Variants in NT5DC1 observed in about 807,000 individuals in gnomAD.
The protein encoded by NT5DC1 is 5'-nucleotidase domain-containing protein 1.
A neutral mutation model predicts 59.4 loss-of-function variants in NT5DC1; 42 were observed. The ratio of observed to expected loss-of-function variants is 0.71; its 90% CI spans 0.55 to 0.92. The LOEUF is 0.92. Ranked by LOEUF, NT5DC1 falls within the 40% of genes least tolerant of loss-of-function variation. The probability of loss-of-function intolerance (pLI) is 0.00; values close to 1 mark genes in which losing one functional copy is unlikely to be tolerated. For synonymous variants in NT5DC1, 172 were observed against 188.1 expected, an observed-to-expected ratio of 0.91 and a Z score of 0.70; for missense variants, 501 against 537.1, an observed-to-expected ratio of 0.93 and a Z score of 0.66.
At position 116,248,756 on chromosome 6, in the gene NT5DC1, A is replaced by C. The variant is rs1281667899; in HGVS notation, c.*4732A>C. 1 of 152,292 alleles carries C rather than the reference A, an allele frequency of 6.6e-6. No individual in the cohort carries two copies. The highest frequency in any genetic ancestry group is 1.5e-5 in the Non-Finnish European group (1 of 68,070). The allele number at this position is 152,292 out of a possible 1,614,324, so 9.4% of individuals were successfully genotyped here. On this transcript the variant is annotated 3_prime_UTR_variant, in exon 12 of 12. Coordinates refer to ENST00000319550, the MANE Select transcript of NT5DC1 (RefSeq NM_152729.3). ...CTTCTTAACTGGTTTGGAGGTCCAC[A>C]TAAAGAATAATTGGGGTCTAGAATT...
chr6:116,205,607 A>T (rs925525514), intron 6 of NT5DC1, among the ~76,000 whole-genome samples: 2 of 148,936 alleles, frequency 1.3e-5, no homozygotes, highest in South Asian at 4.2e-4. Context: ...ATTGGGGGGG[A>T]AAAAAGGCTG....
chr6:116,131,907 T>C (rs1261283752), intron 6 of NT5DC1, among the ~76,000 whole-genome samples: 3 of 152,296 alleles, frequency 2.0e-5, no homozygotes, highest in African/African-American at 2.4e-5. Context: ...CTCCTACTTA[T>C]AAGTGAGAAC....
At chr6:116,182,163 A>G (rs546375105) in intron 6 of NT5DC1, among the ~76,000 whole-genome samples, 1 of 151,924 alleles carries the variant, frequency 6.6e-6, no homozygotes, top group South Asian at 2.1e-4. Flanking sequence ...AATTTCATCC[A>G]GGTTGCTACA....
At chr6:116,194,021 T>C (rs1375288076) in intron 6 of NT5DC1, among the ~76,000 whole-genome samples, 1 of 151,956 alleles carries the variant, frequency 6.6e-6, no homozygotes, top group Admixed American at 6.6e-5. Context: ...TACTCCAGCC[T>C]GGGCAACAGA....
intron 4 of NT5DC1, among the ~76,000 whole-genome samples, chr6:116,112,244 T>C (rs764960512): frequency 3.3e-5 from 5 of 152,174 alleles, no homozygotes; most frequent in African/African-American, 4.8e-5. Flanking sequence ...AGGTACCCAG[T>C]GGTCAGGTTG....
At chr6:116,207,292 A>G (rs1781473696) in intron 6 of NT5DC1, among the ~76,000 whole-genome samples, 3 of 132,600 alleles carry the variant, frequency 2.3e-5, no homozygotes. Flanking sequence ...TTTCCTTTTA[A>G]GATCAATAGA....
Position 116,115,746 on chromosome 6 carries a change from C to G in NT5DC1, c.420C>G (p.Ala140=), listed in dbSNP as rs1201962299. The G allele has an allele frequency of 1.3e-6, 2 of 1,597,196 alleles. No individual in the cohort carries two copies. The highest frequency in any genetic ancestry group is 1.7e-6 in the Non-Finnish European group (2 of 1,164,714). The change falls in exon 5 of 12, where the codon GCC becomes GCG. Residue 140 remains alanine, a synonymous_variant. Coordinates refer to ENST00000319550, the MANE Select transcript of NT5DC1 (RefSeq NM_152729.3). ...ACCTGCCAGGAGCTCTTCTGTGTGC[C>G]AGGGTGGTGGACTATTTAACAAAAG... The part of the protein sequence containing the change: ...YFDLPGALLC[A]RVVDYLTKLN...
At chr6:116,130,754 G>T (rs1402194157) in intron 6 of NT5DC1, among the ~76,000 whole-genome samples, 1 of 152,016 alleles carries the variant, frequency 6.6e-6, no homozygotes, top group Non-Finnish European at 1.5e-5. Flanking sequence ...TCTTGTATCT[G>T]TAGCTGCTTG....
intron 6 of NT5DC1, among the ~76,000 whole-genome samples, chr6:116,191,803 T>C (rs1247329206): frequency 6.6e-6 from 1 of 152,032 alleles, no homozygotes; most frequent in African/African-American, 2.4e-5. Context: ...ATGTACAGTA[T>C]TTATATATTT....
intron 6 of NT5DC1, among the ~76,000 whole-genome samples, chr6:116,206,668 C>G (rs1781458727): frequency 6.6e-6 from 1 of 151,982 alleles, no homozygotes; most frequent in Non-Finnish European, 1.5e-5. Flanking sequence ...ATCCCTCCTA[C>G]CCTGCTCCAT....
At chr6:116,199,109 C>T (rs1273737829) in intron 6 of NT5DC1, among the ~76,000 whole-genome samples, 6 of 151,874 alleles carry the variant, frequency 4.0e-5, no homozygotes, top group African/African-American at 1.5e-4. Context: ...CCAAATGTCC[C>T]TGGGGGGTGA....
intron 6 of NT5DC1, among the ~76,000 whole-genome samples, chr6:116,161,268 C>A (rs1357090540): frequency 6.6e-6 from 1 of 151,098 alleles, no homozygotes; most frequent in African/African-American, 2.4e-5. Flanking sequence ...GTACAGTGCA[C>A]CAGCATGGCA....
intron 6 of NT5DC1, among the ~76,000 whole-genome samples, chr6:116,176,042 A>G (rs768893083): frequency 6.6e-6 from 1 of 152,206 alleles, no homozygotes; most frequent in Non-Finnish European, 1.5e-5. Flanking sequence ...TGAGGCAAAC[A>G]GTATTTACAC....
intron 6 of NT5DC1, among the ~76,000 whole-genome samples, chr6:116,163,141 A>AATATATATAT (rs1554197063): frequency 4.2e-4 from 37 of 88,376 alleles, no homozygotes; most frequent in African/African-American, 1.3e-3. Context: ...AAAAAAAAAA[A>AATATATATAT]ATATATATAT....
At chr6:116,102,601 A>C (rs561615859) in intron 1 of NT5DC1, among the ~76,000 whole-genome samples, 5 of 152,222 alleles carry the variant, frequency 3.3e-5, no homozygotes. Context: ...GTGATCATAA[A>C]ATTTCAGAAT....
chr6:116,155,794 A>G (rs564613401), intron 6 of NT5DC1, among the ~76,000 whole-genome samples: 2 of 151,320 alleles, frequency 1.3e-5, no homozygotes, highest in Admixed American at 1.3e-4. Flanking sequence ...TTGTGTGTGT[A>G]CTGAAATGGA....
intron 6 of NT5DC1, among the ~76,000 whole-genome samples, chr6:116,203,810 A>C (rs1030846808): frequency 5.9e-5 from 9 of 151,942 alleles, no homozygotes; most frequent in Admixed American, 2.6e-4. Flanking sequence ...AATTTTTCAA[A>C]GTACTTGCAC....
At chr6:116,229,859 T>C (rs933980508) in intron 8 of NT5DC1, among the ~76,000 whole-genome samples, 1 of 152,142 alleles carries the variant, frequency 6.6e-6, no homozygotes, top group African/African-American at 2.4e-5. Context: ...GACTCCCAAA[T>C]CTTTCCCTGA....
chr6:116,243,366 A>C (rs1771773338), intron 11 of NT5DC1, among the ~76,000 whole-genome samples: 1 of 152,190 alleles, frequency 6.6e-6, no homozygotes, highest in African/African-American at 2.4e-5. Flanking sequence ...GAGTATTAAA[A>C]TTAAACTCAC....
Sources: allele counts gnomAD v4.1 joint callset (sites outside exome capture counted in the v4.1 genomes callset), GRCh38; gene constraint gnomAD v4.1.1; transcripts MANE v1.5; gene names NCBI Gene and HGNC (gene_info 2026-07-23, HGNC 2026-07-21).